The following NRXN3 variants were observed in gnomAD, a reference collection of about 807,000 sequenced individuals.
NRXN3 encodes the protein neurexin 3, also known as neurexin III.
Under a neutral mutation model 137.6 loss-of-function variants are expected in NRXN3, and 32 were observed. The observed-to-expected ratio is 0.23, with a 90% CI of 0.18 to 0.31. NRXN3 has a LOEUF of 0.31. Ranked by LOEUF, NRXN3 falls within the 10% of genes least tolerant of loss-of-function variation. The pLI, the probability that NRXN3 is intolerant of heterozygous loss-of-function variation, is 1.00. For synonymous variants in NRXN3, 798 were observed against 784.5 expected (o/e 1.02, Z -0.29); for missense variants, 1,574 against 2,062.5 (o/e 0.76, Z 4.59).
At chr14:79,204,243 G>T (rs1433575953) in intron 15 of NRXN3, among the ~76,000 whole-genome samples, 1 of 151,756 alleles carries the variant, frequency 6.6e-6, no homozygotes, top group Non-Finnish European at 1.5e-5. Flanking sequence ...ATTTATAATT[G>T]TGAAGCTTCT....
At chr14:79,045,132 C>T (rs1033382858) in intron 15 of NRXN3, among the ~76,000 whole-genome samples, 1 of 152,160 alleles carries the variant, frequency 6.6e-6, no homozygotes, top group Non-Finnish European at 1.5e-5. Flanking sequence ...CCTACTCCCC[C>T]AATCCCCGTT....
rs58274368 is a variant in NRXN3, at chr14:78,247,670, C to T, written c.709+3868C>T. 1.0e-3 allele frequency among the ~76,000 whole-genome samples: 157 copies of T among 152,318 alleles called. 2 individuals are homozygous for T. In the East Asian group the frequency reaches 0.026, roughly 25 times the overall value. ...CATTTTCATCTGGCTTTTTGTTTAG[C>T]TCAGCCCGTCCTGTTATGGGCAGCC... On this transcript the variant is annotated intron_variant, in intron 2 of 20. Coordinates refer to ENST00000335750, the MANE Select transcript of NRXN3 (RefSeq NM_001330195.2).
chr14:78,624,523 G>A (rs369643171), intron 4 of NRXN3, among the ~76,000 whole-genome samples: 249 of 152,324 alleles, frequency 1.6e-3, no homozygotes, highest in African/African-American at 5.7e-3. Flanking sequence ...GCGGGGCCAG[G>A]TGCTGGATCC....
chr14:79,605,021 G>C (rs892114509), intron 16 of NRXN3, among the ~76,000 whole-genome samples: 3 of 152,084 alleles, frequency 2.0e-5, no homozygotes, highest in African/African-American at 7.2e-5. Context: ...GACAGAGTGA[G>C]ACTCCATCTC....
At chr14:78,566,206 TC>T (rs2096834538) in intron 4 of NRXN3, among the ~76,000 whole-genome samples, 1 of 151,778 alleles carries the variant, frequency 6.6e-6, no homozygotes, top group East Asian at 1.9e-4. Flanking sequence ...CCCCCGATGA[TC>T]TCACACTGCT....
At position 78,176,546 on chromosome 14, in the gene NRXN3, C is replaced by T. The variant is rs1595592928; in HGVS notation, c.-704+5872C>T. Among the ~76,000 whole-genome samples the T allele has an allele frequency of 2.0e-5, 3 of 152,164 alleles. No homozygotes were observed. In the South Asian group the frequency reaches 6.2e-4, roughly 32 times the overall value. The stretch of plus-strand genomic sequence containing the variant: ...CTCATGCCAGAGCCCAAGCATGGGA[C>T]CCTTATGTTATAGTGTTAGAGGAAA... On this transcript the variant is annotated intron_variant, in intron 1 of 20. Coordinates refer to ENST00000335750, the MANE Select transcript of NRXN3 (RefSeq NM_001330195.2).
intron 15 of NRXN3, among the ~76,000 whole-genome samples, chr14:79,438,331 C>A: frequency 6.6e-6 from 1 of 152,128 alleles, no homozygotes; most frequent in East Asian, 1.9e-4. Flanking sequence ...AATAAAAGTT[C>A]GGTTTGGATT....
intron 4 of NRXN3, among the ~76,000 whole-genome samples, chr14:78,479,188 A>T (rs1311363168): frequency 6.6e-6 from 1 of 152,200 alleles, no homozygotes; most frequent in Non-Finnish European, 1.5e-5. Context: ...AATGCCCAGG[A>T]CCTTCCCCCA....
chr14:79,323,809 G>T (rs2090437369), intron 15 of NRXN3, among the ~76,000 whole-genome samples: 1 of 152,064 alleles, frequency 6.6e-6, no homozygotes, highest in African/African-American at 2.4e-5. Context: ...AGTGAGCCTA[G>T]ATTGCGCCAC....
chr14:78,872,436 A>G (rs981909677), intron 10 of NRXN3, among the ~76,000 whole-genome samples: 26 of 151,428 alleles, frequency 1.7e-4, no homozygotes, highest in Admixed American at 9.2e-4. Context: ...TCAGTTTTCT[A>G]TTCTCTGCAT....
At chr14:79,563,589 G>C (rs762754079) in intron 16 of NRXN3, among the ~76,000 whole-genome samples, 4 of 150,906 alleles carry the variant, frequency 2.7e-5, no homozygotes, top group Non-Finnish European at 5.9e-5. Flanking sequence ...TTCCGTTACA[G>C]TGCACTGTGT....
chr14:78,496,414 T>A (rs189681128), intron 4 of NRXN3, among the ~76,000 whole-genome samples: 2 of 152,332 alleles, frequency 1.3e-5, no homozygotes, highest in East Asian at 3.9e-4. Flanking sequence ...GAAGACCACT[T>A]CTCTAAGAAT....
At chr14:78,276,924 C>T (rs950868942) in intron 2 of NRXN3, among the ~76,000 whole-genome samples, 1 of 152,170 alleles carries the variant, frequency 6.6e-6, no homozygotes, top group Non-Finnish European at 1.5e-5. Flanking sequence ...TTAATGGACC[C>T]GCCTAGTTAT....
chr14:79,327,715 A>G (rs1313913199), intron 15 of NRXN3, among the ~76,000 whole-genome samples: 1 of 152,044 alleles, frequency 6.6e-6, no homozygotes, highest in East Asian at 1.9e-4. Context: ...GATTAATCCC[A>G]TTTACCTTGT....
chr14:79,683,801 G>A (rs2098682455), intron 17 of NRXN3, among the ~76,000 whole-genome samples: 1 of 152,138 alleles, frequency 6.6e-6, no homozygotes, highest in Admixed American at 6.5e-5. Context: ...CCTTATGTAT[G>A]TTTCCATAGA....
At chr14:79,007,082 C>T (rs575492066) in intron 15 of NRXN3, among the ~76,000 whole-genome samples, 4 of 152,060 alleles carry the variant, frequency 2.6e-5, no homozygotes, top group African/African-American at 9.6e-5. Context: ...ACTCCCACCC[C>T]CCAACACACT....
chr14:78,452,478 C>G (rs2153707328), intron 4 of NRXN3, among the ~76,000 whole-genome samples: 1 of 152,252 alleles, frequency 6.6e-6, no homozygotes, highest in South Asian at 2.1e-4. Context: ...AGATCCAGGT[C>G]AAGATTTCAT....
At chr14:79,046,764 T>C (rs561955954) in intron 15 of NRXN3, among the ~76,000 whole-genome samples, 77 of 152,288 alleles carry the variant, frequency 5.1e-4, no homozygotes, top group African/African-American at 1.8e-3. Context: ...GAAAATTACA[T>C]GAGATAAAAC....
chr14:78,517,000 T>A (rs750220295), intron 4 of NRXN3, among the ~76,000 whole-genome samples: 1 of 152,160 alleles, frequency 6.6e-6, no homozygotes, highest in Non-Finnish European at 1.5e-5. Context: ...GTTGAATCCA[T>A]CTTTTGTTTA....
Sources: allele counts gnomAD v4.1 joint callset (sites outside exome capture counted in the v4.1 genomes callset), GRCh38; gene constraint gnomAD v4.1.1; transcripts MANE v1.5; gene names NCBI Gene and HGNC (gene_info 2026-07-23, HGNC 2026-07-21).